ARNT2: variants seen among roughly 807,000 people sequenced by gnomAD.
ARNT2 encodes the protein ARNT protein 2.
ARNT2 carries 36 observed loss-of-function variants against 91.7 expected under a neutral mutation model. That is an observed-to-expected ratio of 0.39 (90% CI 0.30 to 0.52). ARNT2 has a LOEUF of 0.52. ARNT2 is among the 20% of genes least tolerant of loss of function. The probability of loss-of-function intolerance (pLI) is 0.72; values close to 1 mark genes in which losing one functional copy is unlikely to be tolerated. For synonymous variants in ARNT2, 365 were observed against 347.1 expected (o/e 1.05, Z -0.57); for missense variants, 775 against 939.3 (o/e 0.83, Z 2.29).
intron 11 of ARNT2, among the ~76,000 whole-genome samples, chr15:80,561,683 C>G (rs2141465926): frequency 6.6e-6 from 1 of 152,296 alleles, no homozygotes; most frequent in South Asian, 2.1e-4. Context: ...TGCCTTCCCA[C>G]TCTGCCCAGC....
chr15:80,506,017 A>G (rs1897270824), intron 5 of ARNT2, among the ~76,000 whole-genome samples: 1 of 145,080 alleles, frequency 6.9e-6, no homozygotes, highest in Admixed American at 7.1e-5. Context: ...GCTCACTGAA[A>G]GCTCCGCTTC....
At position 80,468,083 on chromosome 15, in the gene ARNT2, G is replaced by A. The variant is rs545273729; in HGVS notation, c.195-2135G>A. Among the ~76,000 whole-genome samples, 7 of 152,040 alleles carry A rather than the reference G, an allele frequency of 4.6e-5. No homozygotes were observed. In the South Asian group the frequency reaches 6.2e-4, roughly 14 times the overall value. On this transcript the variant is annotated intron_variant, in intron 3 of 18. Coordinates refer to ENST00000303329, the MANE Select transcript of ARNT2 (RefSeq NM_014862.4). ...GAGTCAACAAGCCCTGCCTGATTAC[G>A]CAGCAGCAGTTTCTCCTGGAGAGTA...
intron 1 of ARNT2, among the ~76,000 whole-genome samples, chr15:80,431,063 C>A (rs1412097481): frequency 6.6e-6 from 1 of 152,130 alleles, no homozygotes; most frequent in African/African-American, 2.4e-5. Flanking sequence ...CACGATCCCC[C>A]CACAAAGCAA....
intron 5 of ARNT2, among the ~76,000 whole-genome samples, chr15:80,476,225 C>A (rs559959381): frequency 6.6e-6 from 1 of 152,154 alleles, no homozygotes; most frequent in Non-Finnish European, 1.5e-5. Context: ...TGAAATCAGA[C>A]GGAGAGTTTT....
At chr15:80,448,411 C>T (rs559773230) in intron 1 of ARNT2, among the ~76,000 whole-genome samples, 1 of 152,256 alleles carries the variant, frequency 6.6e-6, no homozygotes, top group Non-Finnish European at 1.5e-5. Flanking sequence ...GTCATCTAAT[C>T]TCTCTTTGCC....
At chr15:80,459,073 C>T (rs763758620) in intron 3 of ARNT2, among the ~76,000 whole-genome samples, 8 of 152,202 alleles carry the variant, frequency 5.3e-5, no homozygotes, top group Admixed American at 1.3e-4. Flanking sequence ...TTCCACCAGT[C>T]CAACAGGGAC....
At chr15:80,453,935 C>A (rs1176362501) in intron 2 of ARNT2, among the ~76,000 whole-genome samples, 1 of 152,174 alleles carries the variant, frequency 6.6e-6, no homozygotes, top group Non-Finnish European at 1.5e-5. Context: ...TCCAGGATAA[C>A]CCCCCTTCCC....
chr15:80,434,586 G>C (rs1896058186), intron 1 of ARNT2: 1 of 152,528 alleles, frequency 6.6e-6, no homozygotes, highest in Non-Finnish European at 1.5e-5. Context: ...CGGGGAGGCA[G>C]AGCATTAGTA....
chr15:80,469,333 A>G (rs1039286174), intron 3 of ARNT2, among the ~76,000 whole-genome samples: 4 of 152,198 alleles, frequency 2.6e-5, no homozygotes, highest in Non-Finnish European at 2.9e-5. Context: ...TTCATAAGCC[A>G]GGGGTGTACC....
intron 8 of ARNT2, among the ~76,000 whole-genome samples, chr15:80,546,942 G>A (rs192988072): frequency 5.0e-4 from 76 of 150,590 alleles, no homozygotes; most frequent in Middle Eastern, 6.8e-3. Flanking sequence ...CAGCCTGGGC[G>A]ACAGAGTGAA....
chr15:80,404,498 C>T lies in ARNT2; in HGVS notation c.-18C>T, dbSNP rs1895567403. ...TCCCGCGCCCCTGCCAAGCGGGCGC[C>T]TATCCTCTCCGAGCAAGATGGCAAC... On this transcript the variant is annotated 5_prime_UTR_variant, in exon 1 of 19. Transcript: ENST00000303329. This position sits in a 1 kb window ranked among gnomAD's most constrained non-coding sequence, Gnocchi z 5.5. 1.6e-6 allele frequency: 2 copies of T among 1,238,620 alleles called. No individual in the cohort carries two copies. Among genetic ancestry groups the T allele is most frequent in the Admixed American group, 3.0e-5 (1 of 33,576 alleles). The allele number at this position is 1,238,620 out of a possible 1,614,324, so 76.7% of individuals were successfully genotyped here.
intron 12 of ARNT2, among the ~76,000 whole-genome samples, chr15:80,567,631 T>G (rs1484677787): frequency 1.3e-5 from 2 of 152,220 alleles, no homozygotes; most frequent in African/African-American, 4.8e-5. Context: ...TTTGCTTTAT[T>G]TTTCTGAAAG....
chr15:80,525,389 A>G (rs1471739972), intron 8 of ARNT2, among the ~76,000 whole-genome samples: 1 of 152,222 alleles, frequency 6.6e-6, no homozygotes, highest in Non-Finnish European at 1.5e-5. Context: ...TTCTTAGCAC[A>G]TATAACACTA....
intron 3 of ARNT2, among the ~76,000 whole-genome samples, chr15:80,464,608 A>G (rs907651184): frequency 2.6e-5 from 4 of 152,138 alleles, no homozygotes; most frequent in Non-Finnish European, 5.9e-5. Context: ...CTTCTCAAGG[A>G]GAGAGCAACC....
intron 6 of ARNT2, among the ~76,000 whole-genome samples, chr15:80,512,793 C>T (rs1266868470): frequency 1.3e-5 from 2 of 152,224 alleles, no homozygotes; most frequent in African/African-American, 4.8e-5. Context: ...CATGCAGTCC[C>T]TTCCCTGCCC....
chr15:80,497,471 A>G (rs1439962040), intron 5 of ARNT2, among the ~76,000 whole-genome samples: 2 of 152,256 alleles, frequency 1.3e-5, no homozygotes, highest in Admixed American at 1.3e-4. Context: ...TCTGCCAACA[A>G]CTGGAATGAT....
intron 5 of ARNT2, among the ~76,000 whole-genome samples, chr15:80,502,603 C>A (rs1322022626): frequency 6.6e-6 from 1 of 152,112 alleles, no homozygotes; most frequent in African/African-American, 2.4e-5. Flanking sequence ...AGGAAGACAG[C>A]AAGACTACCT....
At chr15:80,435,161 C>G (rs1277955995) in intron 1 of ARNT2, among the ~76,000 whole-genome samples, 1 of 152,212 alleles carries the variant, frequency 6.6e-6, no homozygotes, top group Non-Finnish European at 1.5e-5. Context: ...ATCGGGCCAC[C>G]TGGCCACACA....
chr15:80,449,507 A>ATT (rs537314064), intron 1 of ARNT2, among the ~76,000 whole-genome samples: 8 of 150,384 alleles, frequency 5.3e-5, no homozygotes, highest in Non-Finnish European at 1.0e-4. Context: ...TAAGAGGAGG[A>ATT]TTTTTTTTTT....
Sources: gnomAD v4.1 joint callset for allele counts (sites outside exome capture counted in the v4.1 genomes callset) on GRCh38, gnomAD v4.1.1 for gene constraint, Gnocchi (gnomAD v3.1) non-coding constraint, MANE v1.5 for transcripts, NCBI Gene and HGNC (gene_info 2026-07-23, HGNC 2026-07-21) for gene names.